The following NMNAT2 variants were observed in gnomAD, a reference collection of about 807,000 sequenced individuals.
The protein encoded by NMNAT2 is nicotinamide/nicotinic acid mononucleotide adenylyltransferase 2.
Under a neutral mutation model 41.6 loss-of-function variants are expected in NMNAT2, and 11 were observed. The observed-to-expected ratio is 0.26, with a 90% CI of 0.17 to 0.44. NMNAT2 has a LOEUF of 0.44. NMNAT2 is among the 20% of genes least tolerant of loss of function. The probability of loss-of-function intolerance (pLI) is 1.00; values close to 1 mark genes in which losing one functional copy is unlikely to be tolerated. For missense variants in NMNAT2, 288 were observed against 407.7 expected (o/e 0.71, Z 2.53); for synonymous variants, 148 against 151.2 (o/e 0.98, Z 0.16).
chr1:183,409,133 T>G (rs1649045726), intron 1 of NMNAT2, among the ~76,000 whole-genome samples: 1 of 151,956 alleles, frequency 6.6e-6, no homozygotes, highest in Non-Finnish European at 1.5e-5. Flanking sequence ...GACAGGAGGA[T>G]CACTTTAGCC....
At chr1:183,314,586 T>G (rs1474331555) in intron 1 of NMNAT2, among the ~76,000 whole-genome samples, 1 of 152,252 alleles carries the variant, frequency 6.6e-6, no homozygotes, top group African/African-American at 2.4e-5. Flanking sequence ...CAGAGCAGCC[T>G]TGGCTATGGC....
chr1:183,323,363 C>G (rs145167240), intron 1 of NMNAT2, among the ~76,000 whole-genome samples: 66 of 152,186 alleles, frequency 4.3e-4, no homozygotes, highest in Non-Finnish European at 8.1e-4. Context: ...CCTCTTTCAC[C>G]CTTCACCCTC....
chr1:183,324,571 A>C (rs1662422062), intron 1 of NMNAT2, among the ~76,000 whole-genome samples: 1 of 152,132 alleles, frequency 6.6e-6, no homozygotes. Flanking sequence ...TGCCAGAACC[A>C]ACAGCGCAAA....
At position 183,356,312 on chromosome 1, in the gene NMNAT2, A is replaced by G. The variant is rs1287072827; in HGVS notation, c.85+61871T>C. Among the ~76,000 whole-genome samples the G allele has an allele frequency of 2.6e-5, 4 of 152,318 alleles. No individual in the cohort carries two copies. In the East Asian group the frequency reaches 5.8e-4, roughly 22 times the overall value. On this transcript the variant is annotated intron_variant, in intron 1 of 10. Transcript: ENST00000287713. ...TAACCCTTATACTATACTGTTCCCC[A>G]TAAGTCATAGACAGCCATAGACTCT...
At chr1:183,255,374 A>T (rs1176344328) in intron 10 of NMNAT2, among the ~76,000 whole-genome samples, 1 of 151,886 alleles carries the variant, frequency 6.6e-6, no homozygotes, top group Non-Finnish European at 1.5e-5. Flanking sequence ...TTTTTTTCTC[A>T]TAATTGCTTT....
intron 8 of NMNAT2, among the ~76,000 whole-genome samples, chr1:183,263,914 T>G (rs567737581): frequency 6.6e-6 from 1 of 152,244 alleles, no homozygotes; most frequent in South Asian, 2.1e-4. Flanking sequence ...TGCAACAAAG[T>G]TGGCGAACCA....
Position 183,284,413 on chromosome 1 carries a change from G to A in NMNAT2, c.529+297C>T, listed in dbSNP as rs189419614. Among the ~76,000 whole-genome samples, 506 of 152,342 alleles carry A rather than the reference G, an allele frequency of 3.3e-3. 2 individuals carry two copies. Among genetic ancestry groups the A allele is most frequent in the Admixed American group, 9.3e-3 (142 of 15,306 alleles). On this transcript the variant is annotated intron_variant, in intron 6 of 10. Coordinates refer to ENST00000287713, the MANE Select transcript of NMNAT2 (RefSeq NM_015039.4). ...ATGGCTTTCTGGGCCACAAGAGGTG[G>A]CTGGCTCTCCTTAGGGATTACCTGG...
chr1:183,281,518 G>C (rs909814605), intron 7 of NMNAT2, among the ~76,000 whole-genome samples: 2 of 152,134 alleles, frequency 1.3e-5, no homozygotes, highest in African/African-American at 2.4e-5. Flanking sequence ...ATATAATATG[G>C]GACTTTTATG....
In NMNAT2 at chr1:183,367,164, GTAAA is replaced by G. The variant is rs549393829; in HGVS notation, c.85+51015_85+51018del. On this transcript the variant is annotated intron_variant, in intron 1 of 10. Transcript: ENST00000287713. ...TCACATCCACACTTTTCTCAGCTTA[GTAAA>G]TAAATAAGGGCCGGGAGTGGTGGCT... Among the ~76,000 whole-genome samples, 60 of 152,280 alleles carry G rather than the reference GTAAA, an allele frequency of 3.9e-4. 2 individuals are homozygous for G. In the East Asian group the frequency reaches 0.011, roughly 27 times the overall value.
Position 183,250,961 on chromosome 1 carries a change from C to T in NMNAT2, c.*1680G>A, listed in dbSNP as rs1459717001. The T allele has an allele frequency of 6.6e-6, 1 of 152,214 alleles. No homozygotes were observed. The highest frequency in any genetic ancestry group is 1.5e-5 in the Non-Finnish European group (1 of 68,022). The allele number at this position is 152,214 out of a possible 1,614,324, so 9.4% of individuals were successfully genotyped here. On this transcript the variant is annotated 3_prime_UTR_variant, in exon 11 of 11. Transcript: ENST00000287713. ...ATTTTGATAAAAGTATCCTAATACT[C>T]AGGGACTATTTCTCAAAGACCAGAA...
chr1:183,385,958 G>T (rs1053235234), intron 1 of NMNAT2, among the ~76,000 whole-genome samples: 4 of 152,140 alleles, frequency 2.6e-5, no homozygotes, highest in African/African-American at 9.7e-5. Flanking sequence ...GAGGGCCCGA[G>T]GGGATGAGGC....
At chr1:183,302,794 C>G (rs1480267327) in intron 1 of NMNAT2, among the ~76,000 whole-genome samples, 1 of 152,178 alleles carries the variant, frequency 6.6e-6, no homozygotes, top group Non-Finnish European at 1.5e-5. Flanking sequence ...ACAATCACAT[C>G]TTTTGCCCCT....
At chr1:183,393,699 G>A (rs1041528572) in intron 1 of NMNAT2, among the ~76,000 whole-genome samples, 1 of 152,122 alleles carries the variant, frequency 6.6e-6, no homozygotes, top group Non-Finnish European at 1.5e-5. Flanking sequence ...GGGATTATAG[G>A]CACACACCAC....
chr1:183,286,011 A>C (rs1176033736), intron 5 of NMNAT2, among the ~76,000 whole-genome samples: 2 of 152,126 alleles, frequency 1.3e-5, no homozygotes, highest in African/African-American at 4.8e-5. Flanking sequence ...TCCCTAGAAG[A>C]GGCAGAGAAA....
rs1649234828 is a variant in NMNAT2 at position 183,415,753 on chromosome 1, A to G, written c.85+2430T>C. On this transcript the variant is annotated intron_variant, in intron 1 of 10. Transcript: ENST00000287713. ...TGTTAACCAGAACTGCTCTACAAAAATAAATTATAAAATTTATCCAGAGCT... is the reference window on the plus strand; with the variant it reads ...TGTTAACCAGAACTGCTCTACAAAAGTAAATTATAAAATTTATCCAGAGCT... Among the ~76,000 whole-genome samples, 2 of 152,374 alleles carry G rather than the reference A, an allele frequency of 1.3e-5. 1 individual carries two copies. The highest frequency in any genetic ancestry group is 4.1e-4 in the South Asian group (2 of 4,826).
chr1:183,344,102 A>G (rs1454112109), intron 1 of NMNAT2, among the ~76,000 whole-genome samples: 1 of 152,208 alleles, frequency 6.6e-6, no homozygotes, highest in African/African-American at 2.4e-5. Context: ...AATGCTGAGA[A>G]GCTTTCCTAA....
chr1:183,393,047 A>G (rs1031273290), intron 1 of NMNAT2, among the ~76,000 whole-genome samples: 1 of 152,140 alleles, frequency 6.6e-6, no homozygotes, highest in Non-Finnish European at 1.5e-5. Flanking sequence ...TAGGCACTCA[A>G]ATGGTGGTGG....
chr1:183,397,033 A>G (rs1008041935), intron 1 of NMNAT2, among the ~76,000 whole-genome samples: 7 of 152,202 alleles, frequency 4.6e-5, no homozygotes, highest in African/African-American at 1.7e-4. Context: ...CAAAGCACAT[A>G]GGTCTACATT....
chr1:183,321,066 A>G lies in NMNAT2; in HGVS notation c.86-27273T>C, dbSNP rs368458187. ...TCTCCTCTATAAAATTGGTTTAATA[A>G]GAACAATACTGCAAGATTTAGGGGC... is the stretch of plus-strand genomic sequence containing the variant. On this transcript the variant is annotated intron_variant, in intron 1 of 10. Transcript: ENST00000287713. Among the ~76,000 whole-genome samples, 71 of 152,340 alleles carry G rather than the reference A, an allele frequency of 4.7e-4. No individual in the cohort carries two copies. The East Asian group carries it at 0.013, about 28-fold the overall frequency.
Sources: allele counts gnomAD v4.1 joint callset (sites outside exome capture counted in the v4.1 genomes callset), GRCh38; gene constraint gnomAD v4.1.1; transcripts MANE v1.5; gene names NCBI Gene and HGNC (gene_info 2026-07-23, HGNC 2026-07-21).